LRRC4C: variants seen among roughly 807,000 people sequenced by gnomAD.
The protein encoded by LRRC4C is leucine rich repeat containing 4C, also known as leucine-rich repeat-containing protein 4C.
Under a neutral mutation model 33.6 loss-of-function variants are expected in LRRC4C, and 5 were observed. That is an observed-to-expected ratio of 0.15 (90% CI 0.08 to 0.31). The LOEUF (loss-of-function observed/expected upper bound fraction) is 0.31, where lower values mean the gene tolerates loss of function less well. LRRC4C is among the 10% of genes least tolerant of loss of function. The pLI is 1.00. For synonymous variants in LRRC4C, 329 were observed against 302.0 expected, an observed-to-expected ratio of 1.09 and a Z score of -0.93; for missense variants, 560 against 796.7, an observed-to-expected ratio of 0.70 and a Z score of 3.58.
intron 2 of LRRC4C, among the ~76,000 whole-genome samples, chr11:40,811,094 C>T (rs2135384916): frequency 6.6e-6 from 1 of 152,218 alleles, no homozygotes; most frequent in Non-Finnish European, 1.5e-5. Context: ...TGATTCTCTC[C>T]TATGGATGTT....
intron 1 of LRRC4C, among the ~76,000 whole-genome samples, chr11:41,169,680 C>T (rs758466117): frequency 5.3e-5 from 8 of 152,120 alleles, no homozygotes; most frequent in Non-Finnish European, 1.2e-4. Context: ...CAATACTGAT[C>T]GCACTTTAAA....
intron 6 of LRRC4C, among the ~76,000 whole-genome samples, chr11:40,127,705 A>G: frequency 6.6e-6 from 1 of 152,178 alleles, no homozygotes; most frequent in East Asian, 1.9e-4. Flanking sequence ...CCGATCTCCA[A>G]TCTGATTATC....
chr11:41,414,692 G>A (rs915610852), intron 1 of LRRC4C, among the ~76,000 whole-genome samples: 2 of 152,034 alleles, frequency 1.3e-5, no homozygotes, highest in Non-Finnish European at 2.9e-5. Context: ...ATAAAACCTG[G>A]GAGAGAAGTG....
intron 2 of LRRC4C, among the ~76,000 whole-genome samples, chr11:40,721,511 A>T (rs936474996): frequency 6.6e-6 from 1 of 152,226 alleles, no homozygotes; most frequent in East Asian, 1.9e-4. Flanking sequence ...AGAGCAGCTG[A>T]TATTACCTAA....
At position 40,473,479 on chromosome 11, in the gene LRRC4C, A is replaced by G. The variant is rs187364424; in HGVS notation, c.-269-153758T>C. Among the ~76,000 whole-genome samples, 28 of 152,212 alleles carry G rather than the reference A, an allele frequency of 1.8e-4. No homozygotes were observed. The East Asian group carries it at 3.7e-3, about 20-fold the overall frequency. On this transcript the variant is annotated intron_variant, in intron 3 of 6. Coordinates refer to ENST00000528697, the MANE Select transcript of LRRC4C (RefSeq NM_001258419.2). ...AAATAATAAGAGCTATTTATGACAA[A>G]CCCACAGTCAATATCACACTGAATG... is the stretch of plus-strand genomic sequence containing the variant.
chr11:40,392,014 T>C (rs1484261351), intron 3 of LRRC4C, among the ~76,000 whole-genome samples: 2 of 152,164 alleles, frequency 1.3e-5, no homozygotes, highest in Non-Finnish European at 2.9e-5. Flanking sequence ...AAATCTTAAA[T>C]GCATATTGCT....
chr11:41,345,179 C>G (rs1463074743), intron 1 of LRRC4C, among the ~76,000 whole-genome samples: 1 of 152,098 alleles, frequency 6.6e-6, no homozygotes, highest in Non-Finnish European at 1.5e-5. Flanking sequence ...ACCTCTTTCT[C>G]TTTTTAACTA....
At chr11:40,777,977 C>A (rs1244712531) in intron 2 of LRRC4C, among the ~76,000 whole-genome samples, 1 of 152,098 alleles carries the variant, frequency 6.6e-6, no homozygotes, top group Non-Finnish European at 1.5e-5. Flanking sequence ...CATGAGCCAC[C>A]GCTCCCGGCC....
chr11:40,245,490 G>GAGT (rs1287288511), intron 4 of LRRC4C, among the ~76,000 whole-genome samples: 7 of 152,132 alleles, frequency 4.6e-5, no homozygotes, highest in African/African-American at 1.7e-4. Context: ...ACTAGTCAAT[G>GAGT]AGTAGGTGCT....
chr11:41,374,896 T>C (rs1952881043), intron 1 of LRRC4C, among the ~76,000 whole-genome samples: 1 of 152,080 alleles, frequency 6.6e-6, no homozygotes, highest in African/African-American at 2.4e-5. Flanking sequence ...AAAGTCAAGG[T>C]GGGCAGATTG....
Position 40,277,800 on chromosome 11 carries a change from G to C in LRRC4C, c.-175-36202C>G, listed in dbSNP as rs530267452. ...CTTTACAAAGGTAAAACCTTTAGAG[G>C]GTGCCTACTCACAGCAAACACTCCA... On this transcript the variant is annotated intron_variant, in intron 4 of 6. Coordinates refer to ENST00000528697, the MANE Select transcript of LRRC4C (RefSeq NM_001258419.2). Among the ~76,000 whole-genome samples, 3 of 152,066 alleles carry C rather than the reference G, an allele frequency of 2.0e-5. 1 individual carries two copies. The highest frequency in any genetic ancestry group is 7.2e-5 in the African/African-American group (3 of 41,478).
At chr11:40,290,203 A>G (rs949544284) in intron 4 of LRRC4C, among the ~76,000 whole-genome samples, 3 of 152,202 alleles carry the variant, frequency 2.0e-5, no homozygotes, top group African/African-American at 7.2e-5. Context: ...GCTAAATTCC[A>G]GCTGAGCAGG....
intron 5 of LRRC4C, among the ~76,000 whole-genome samples, chr11:40,235,196 T>G (rs1054734633): frequency 6.6e-6 from 1 of 152,232 alleles, no homozygotes; most frequent in Admixed American, 6.5e-5. Flanking sequence ...TGGCTAACTT[T>G]GAAAGATCAG....
chr11:40,719,161 T>C (rs1253092535), intron 2 of LRRC4C, among the ~76,000 whole-genome samples: 1 of 152,204 alleles, frequency 6.6e-6, no homozygotes, highest in Non-Finnish European at 1.5e-5. Context: ...TGTCAAAAGA[T>C]AAAGGCTTAC....
At chr11:40,996,736 C>T (rs1468208923) in intron 1 of LRRC4C, among the ~76,000 whole-genome samples, 1 of 151,984 alleles carries the variant, frequency 6.6e-6, no homozygotes, top group Admixed American at 6.6e-5. Context: ...TGACAAATGG[C>T]AAAGGGGGAA....
At chr11:40,627,252 T>TTA (rs1352928688) in intron 3 of LRRC4C, among the ~76,000 whole-genome samples, 1 of 65,876 alleles carries the variant, frequency 1.5e-5, no homozygotes, top group Non-Finnish European at 2.9e-5. Flanking sequence ...GTGTTTCCCA[T>TTA]TAGAGAGAGA....
intron 1 of LRRC4C, among the ~76,000 whole-genome samples, chr11:41,384,020 A>G (rs1953257860): frequency 1.3e-5 from 2 of 151,884 alleles, no homozygotes; most frequent in Admixed American, 1.3e-4. Flanking sequence ...TCTACCCATT[A>G]TAGCCTTTAG....
At chr11:40,356,617 A>T (rs968606353) in intron 3 of LRRC4C, among the ~76,000 whole-genome samples, 1 of 152,144 alleles carries the variant, frequency 6.6e-6, no homozygotes, top group Admixed American at 6.5e-5. Context: ...GAGGAATTTG[A>T]CTGTGCTGTA....
intron 1 of LRRC4C, among the ~76,000 whole-genome samples, chr11:41,164,053 C>T (rs981245003): frequency 2.6e-5 from 4 of 152,108 alleles, no homozygotes; most frequent in African/African-American, 9.7e-5. Context: ...ATATCAATCA[C>T]CTCAAACATT....
Sources: allele counts gnomAD v4.1 joint callset (sites outside exome capture counted in the v4.1 genomes callset), GRCh38; gene constraint gnomAD v4.1.1; transcripts MANE v1.5; gene names NCBI Gene and HGNC (gene_info 2026-07-23, HGNC 2026-07-21).